The following SPOCK3 variants were observed in gnomAD, a reference collection of about 807,000 sequenced individuals.
The protein encoded by SPOCK3 is testican-3.
A neutral mutation model predicts 56.6 loss-of-function variants in SPOCK3; 30 were observed. That is an observed-to-expected ratio of 0.53 (90% CI 0.40 to 0.72). The LOEUF is 0.72. Among genes scored for constraint, SPOCK3 ranks in the 30% least tolerant of loss-of-function variants. The pLI is 0.00. For missense variants in SPOCK3, 527 were observed against 530.0 expected (o/e 0.99, Z 0.06); for synonymous variants, 196 against 183.3 (o/e 1.07, Z -0.56).
intron 6 of SPOCK3, among the ~76,000 whole-genome samples, chr4:166,866,436 C>T (rs866689868): frequency 6.6e-6 from 1 of 152,106 alleles, no homozygotes; most frequent in African/African-American, 2.4e-5. Context: ...CAAATGGGAT[C>T]TAATTAAACT....
chr4:166,801,623 T>G (rs1004153309), intron 6 of SPOCK3, among the ~76,000 whole-genome samples: 1 of 152,072 alleles, frequency 6.6e-6, no homozygotes, highest in African/African-American at 2.4e-5. Context: ...TTAAAGACTC[T>G]CAATACATAT....
intron 7 of SPOCK3, among the ~76,000 whole-genome samples, chr4:166,783,991 A>G (rs1740464679): frequency 6.6e-6 from 1 of 151,472 alleles, no homozygotes; most frequent in African/African-American, 2.4e-5. Flanking sequence ...GTGTTGTTTC[A>G]TTTTGAATAG....
intron 6 of SPOCK3, among the ~76,000 whole-genome samples, chr4:166,821,249 TA>T (rs1192580702): frequency 1.3e-5 from 2 of 151,934 alleles, no homozygotes; most frequent in African/African-American, 4.8e-5. Context: ...AAAATGCAAA[TA>T]AGAAATAAAG....
chr4:166,767,741 C>A (rs1579164275), intron 7 of SPOCK3, among the ~76,000 whole-genome samples: 1 of 152,110 alleles, frequency 6.6e-6, no homozygotes, highest in Non-Finnish European at 1.5e-5. Flanking sequence ...TCCTGGATAT[C>A]CTTGTTAACT....
intron 4 of SPOCK3, among the ~76,000 whole-genome samples, chr4:166,996,461 C>G (rs1162949132): frequency 1.3e-5 from 2 of 152,198 alleles, no homozygotes; most frequent in Admixed American, 1.3e-4. Context: ...ATCTTCAGAT[C>G]TTTCCCCAAG....
chr4:167,057,751 T>C (rs1384840258), intron 3 of SPOCK3, among the ~76,000 whole-genome samples: 2 of 152,144 alleles, frequency 1.3e-5, no homozygotes, highest in African/African-American at 4.8e-5. Context: ...CCTAAATATA[T>C]ATGCATCCAA....
chr4:167,093,506 T>C (rs1474526422), intron 2 of SPOCK3, among the ~76,000 whole-genome samples: 1 of 152,138 alleles, frequency 6.6e-6, no homozygotes, highest in Admixed American at 6.5e-5. Flanking sequence ...TGTGTTCTCA[T>C]TGTTCAACTC....
intron 2 of SPOCK3, among the ~76,000 whole-genome samples, chr4:167,195,545 C>T (rs1410995741): frequency 6.6e-6 from 1 of 152,186 alleles, no homozygotes; most frequent in African/African-American, 2.4e-5. Flanking sequence ...CCTAGCTGGG[C>T]AGGACCTCTC....
At chr4:167,067,810 G>T (rs1382903870) in intron 2 of SPOCK3, among the ~76,000 whole-genome samples, 1 of 151,800 alleles carries the variant, frequency 6.6e-6, no homozygotes, top group Non-Finnish European at 1.5e-5. Context: ...AAAGGAGACA[G>T]GCTTTTACAA....
intron 4 of SPOCK3, among the ~76,000 whole-genome samples, chr4:166,977,939 A>C (rs560384053): frequency 1.3e-5 from 2 of 152,332 alleles, no homozygotes; most frequent in South Asian, 4.1e-4. Context: ...TTAGTAACAC[A>C]AGCTTCTGAC....
At position 167,155,969 on chromosome 4, in the gene SPOCK3, G is replaced by A. The variant is rs76777239; in HGVS notation, c.189+78016C>T. On this transcript the variant is annotated intron_variant, in intron 2 of 10. Transcript: ENST00000357545. ...AACTTCATGTTCAGCACATGTATCT[G>A]AGAACTTAAAGTAAAATTTAACAAA... 6.5e-3 allele frequency among the ~76,000 whole-genome samples: 985 copies of A among 151,964 alleles called. 14 individuals are homozygous for A. Among genetic ancestry groups the A allele is most frequent in the African/African-American group, 0.023 (954 of 41,438 alleles).
At chr4:166,739,759 T>A (rs918054799) in intron 9 of SPOCK3, among the ~76,000 whole-genome samples, 4 of 151,616 alleles carry the variant, frequency 2.6e-5, no homozygotes, top group Admixed American at 6.6e-5. Context: ...ATTTAAAAAA[T>A]AAATAAATAA....
At chr4:167,157,986 AT>A (rs1341472195) in intron 2 of SPOCK3, among the ~76,000 whole-genome samples, 14 of 151,894 alleles carry the variant, frequency 9.2e-5, no homozygotes, top group Non-Finnish European at 7.4e-5. Flanking sequence ...TTCAATTTTT[AT>A]TTTTAAATGG....
chr4:167,205,326 A>AAT (rs1250002705), intron 2 of SPOCK3, among the ~76,000 whole-genome samples: 2 of 39,268 alleles, frequency 5.1e-5, no homozygotes, highest in African/African-American at 9.9e-5. Flanking sequence ...TTATATATAT[A>AAT]ATATATATTA....
chr4:167,041,302 G>A (rs1753210684), intron 3 of SPOCK3, among the ~76,000 whole-genome samples: 1 of 152,096 alleles, frequency 6.6e-6, no homozygotes. Flanking sequence ...ATGGTGTGTA[G>A]TATGTGTTCA....
intron 2 of SPOCK3, among the ~76,000 whole-genome samples, chr4:167,121,958 A>T (rs984178951): frequency 1.3e-5 from 2 of 152,180 alleles, no homozygotes; most frequent in African/African-American, 4.8e-5. Context: ...CTGCAAAGAA[A>T]TACAAAAAGA....
chr4:167,066,183 T>C (rs1756113642), intron 2 of SPOCK3, among the ~76,000 whole-genome samples: 1 of 151,956 alleles, frequency 6.6e-6, no homozygotes, highest in Non-Finnish European at 1.5e-5. Context: ...AAAATATATG[T>C]GCACTTTATT....
At chr4:167,010,685 G>A (rs2558140) in intron 3 of SPOCK3, among the ~76,000 whole-genome samples, 152,186 of 152,274 alleles carry the variant, frequency 1, 76,049 homozygotes, top group Non-Finnish European at 1. Flanking sequence ...AACAAATAGG[G>A]GGAAAGTATA....
intron 2 of SPOCK3, among the ~76,000 whole-genome samples, chr4:167,211,549 G>C (rs1561329120): frequency 6.6e-6 from 1 of 152,138 alleles, no homozygotes; most frequent in East Asian, 1.9e-4. Flanking sequence ...ATGGGGGCAG[G>C]TCTTTCCTAT....
Sources: gnomAD v4.1 joint callset for allele counts (sites outside exome capture counted in the v4.1 genomes callset) on GRCh38, gnomAD v4.1.1 for gene constraint, MANE v1.5 for transcripts, NCBI Gene and HGNC (gene_info 2026-07-23, HGNC 2026-07-21) for gene names.